Variants in FRYL observed in about 807,000 individuals in gnomAD.
FRYL encodes the protein FRY like transcription coactivator, also known as protein furry homolog-like.
FRYL carries 150 observed loss-of-function variants against 351.2 expected under a neutral mutation model. That is an observed-to-expected ratio of 0.43 (90% confidence interval 0.37 to 0.49). FRYL has a LOEUF of 0.49. Ranked by LOEUF, FRYL falls within the 20% of genes least tolerant of loss-of-function variation. FRYL has a pLI of 0.00. For missense variants in FRYL, 3,036 were observed against 3,619.3 expected (o/e 0.84, Z 4.13); for synonymous variants, 1,153 against 1,257.1 (o/e 0.92, Z 1.75).
intron 1 of FRYL, among the ~76,000 whole-genome samples, chr4:48,757,672 AATT>A (rs1644498703): frequency 6.6e-6 from 1 of 152,212 alleles, no homozygotes; most frequent in South Asian, 2.1e-4. Flanking sequence ...TGCCCAAGGT[AATT>A]TATACATTCA....
In FRYL at chr4:48,546,078, G is replaced by C. The variant is rs1414475012; in HGVS notation, c.5268C>G (p.Phe1756Leu). The C allele has an allele frequency of 6.2e-7, 1 of 1,612,804 alleles. No homozygotes were observed. Among genetic ancestry groups the C allele is most frequent in the Admixed American group, 1.7e-5 (1 of 59,886 alleles). ...QDGKVKTLMEFITSRKRGPLW... is the reference protein window; with the variant it reads ...QDGKVKTLMELITSRKRGPLW... ...GCTGCCAGTGTTACCTTGAGGTAAT[G>C]AATTCCATGAGGGTTTTGACTTTTC... is the stretch of plus-strand genomic sequence containing the variant. The change falls in exon 42 of 64, where the codon TTC becomes TTG. Residue 1756 changes from phenylalanine (F) to leucine (L), a missense_variant. Transcript: ENST00000358350.
At position 48,582,742 on chromosome 4, in the gene FRYL, G is replaced by A; in HGVS notation, c.1749-8C>T. 2 of 1,598,174 alleles carry A rather than the reference G, an allele frequency of 1.3e-6. No individual in the cohort carries two copies. Among genetic ancestry groups the A allele is most frequent in the South Asian group, 2.2e-5 (2 of 90,696 alleles). ...TCCATATGAATTGTGAGCCTACCAA[G>A]AACAAAATTCCATTAGCAAACTTCA... On this transcript the variant is annotated splice_region_variant and splice_polypyrimidine_tract_variant and intron_variant, in intron 19 of 63. Transcript: ENST00000358350.
At chr4:48,512,936 TA>T (rs531132023) in intron 56 of FRYL, among the ~76,000 whole-genome samples, 2 of 152,322 alleles carry the variant, frequency 1.3e-5, no homozygotes, top group South Asian at 4.1e-4. Flanking sequence ...CCAAGTCCTA[TA>T]ATATGCCACC....
intron 2 of FRYL, among the ~76,000 whole-genome samples, chr4:48,695,919 T>A (rs1466562546): frequency 6.6e-6 from 1 of 152,102 alleles, no homozygotes; most frequent in East Asian, 1.9e-4. Flanking sequence ...AACAAATATA[T>A]GAAAAACAGC....
chr4:48,574,733 T>C (rs1450473721), intron 25 of FRYL, among the ~76,000 whole-genome samples: 1 of 152,170 alleles, frequency 6.6e-6, no homozygotes, highest in Non-Finnish European at 1.5e-5. Flanking sequence ...TGAAAGATAC[T>C]CTAATTCTCT....
chr4:48,599,065 C>T (rs1267962226), intron 13 of FRYL, among the ~76,000 whole-genome samples: 3 of 151,906 alleles, frequency 2.0e-5, no homozygotes, highest in Non-Finnish European at 4.4e-5. Flanking sequence ...ATGTAAGATA[C>T]ACCTATAATA....
chr4:48,752,892 GC>G (rs1296295388), intron 1 of FRYL, among the ~76,000 whole-genome samples: 1 of 152,162 alleles, frequency 6.6e-6, no homozygotes, highest in Non-Finnish European at 1.5e-5. Flanking sequence ...GCTGGGAGCT[GC>G]AGCAGCTACT....
chr4:48,743,237 A>G (rs1354729925), intron 1 of FRYL, among the ~76,000 whole-genome samples: 1 of 152,108 alleles, frequency 6.6e-6, no homozygotes, highest in Non-Finnish European at 1.5e-5. Context: ...GCCTTTCACT[A>G]AATTCTTATC....
At chr4:48,629,058 T>C (rs1292223194) in intron 4 of FRYL, among the ~76,000 whole-genome samples, 2 of 150,132 alleles carry the variant, frequency 1.3e-5, no homozygotes, top group Admixed American at 1.3e-4. Context: ...TATTATACAG[T>C]ATTATAGTGT....
chr4:48,644,486 T>A, intron 3 of FRYL, among the ~76,000 whole-genome samples: 2 of 93,984 alleles, frequency 2.1e-5, no homozygotes, highest in African/African-American at 8.4e-5. Flanking sequence ...TGTAGATAAA[T>A]CAGATAATTG....
chr4:48,746,545 A>T (rs867729259), intron 1 of FRYL, among the ~76,000 whole-genome samples: 4 of 138,956 alleles, frequency 2.9e-5, no homozygotes, highest in Non-Finnish European at 6.4e-5. Context: ...ACTCCGTTTT[A>T]AAAAAAAAAA....
chr4:48,724,672 C>T (rs2149614110), intron 1 of FRYL, among the ~76,000 whole-genome samples: 1 of 152,298 alleles, frequency 6.6e-6, no homozygotes, highest in East Asian at 1.9e-4. Context: ...AACGGTGCCC[C>T]TGATAATAAA....
intron 16 of FRYL, 47 bp downstream of exon 16, chr4:48,593,882 TA>T (rs372903862): frequency 6.5e-3 from 5,304 of 821,094 alleles, no homozygotes; most frequent in South Asian, 9.6e-3. Context: ...ATCATGCTCT[TA>T]AAAAAAAAAT....
intron 60 of FRYL, 113 bp from the exon 61 acceptor site, chr4:48,502,958 CAT>C: frequency 1.3e-6 from 1 of 754,172 alleles, no homozygotes; most frequent in Non-Finnish European, 2.2e-6. Context: ...AACTGAAGAA[CAT>C]ATATTTATAC....
chr4:48,775,872 C>T (rs1253849333), intron 1 of FRYL, among the ~76,000 whole-genome samples: 5 of 151,842 alleles, frequency 3.3e-5, no homozygotes, highest in Non-Finnish European at 1.5e-5. Flanking sequence ...GCTTTGTATC[C>T]TAAGAAAAGG....
At chr4:48,708,495 C>A (rs1414920312) in intron 2 of FRYL, among the ~76,000 whole-genome samples, 1 of 151,994 alleles carries the variant, frequency 6.6e-6, no homozygotes, top group South Asian at 2.1e-4. Flanking sequence ...TACTCATTTA[C>A]CCTTGGGCCC....
intron 1 of FRYL, among the ~76,000 whole-genome samples, chr4:48,727,757 C>G (rs1431577770): frequency 5.9e-5 from 9 of 152,202 alleles, no homozygotes. Flanking sequence ...AACTTGCTAA[C>G]TACCCCTAAC....
chr4:48,511,285 C>A (rs959527120), intron 57 of FRYL, among the ~76,000 whole-genome samples: 1 of 152,096 alleles, frequency 6.6e-6, no homozygotes, highest in African/African-American at 2.4e-5. Flanking sequence ...ACATTCTTAG[C>A]AATGAAAGTC....
chr4:48,548,505 T>C (rs982799295), intron 40 of FRYL, among the ~76,000 whole-genome samples, 185 bp downstream of exon 40: 1 of 152,062 alleles, frequency 6.6e-6, no homozygotes, highest in Non-Finnish European at 1.5e-5. Context: ...ACATGTTTGT[T>C]TGTGGTTAGA....
Sources: gnomAD v4.1 joint callset for allele counts (sites outside exome capture counted in the v4.1 genomes callset) on GRCh38, gnomAD v4.1.1 for gene constraint, MANE v1.5 for transcripts, NCBI Gene and HGNC (gene_info 2026-07-23, HGNC 2026-07-21) for gene names.